The following FNBP1 variants were observed in gnomAD, a reference collection of about 807,000 sequenced individuals.
The protein encoded by FNBP1 is formin binding protein 1.
A neutral mutation model predicts 90.6 loss-of-function variants in FNBP1; 26 were observed. The observed-to-expected ratio is 0.29, with a 90% CI of 0.21 to 0.40. The LOEUF (loss-of-function observed/expected upper bound fraction) is 0.40. FNBP1 is among the 10% of genes least tolerant of loss of function. The pLI is 1.00. For missense variants in FNBP1, 635 were observed against 768.0 expected, an observed-to-expected ratio of 0.83 and a Z score of 2.05; for synonymous variants, 260 against 265.2, an observed-to-expected ratio of 0.98 and a Z score of 0.19.
intron 11 of FNBP1, among the ~76,000 whole-genome samples, chr9:129,915,643 C>T (rs542334924): frequency 5.3e-5 from 8 of 152,270 alleles, no homozygotes; most frequent in East Asian, 3.9e-4. Context: ...GGATTACAGG[C>T]GTGAGCCACT....
At chr9:129,985,969 A>G (rs2052139922) in intron 2 of FNBP1, among the ~76,000 whole-genome samples, 1 of 148,416 alleles carries the variant, frequency 6.7e-6, no homozygotes, top group Non-Finnish European at 1.5e-5. Context: ...CTCAAAAAAA[A>G]AAAAAAAAAA....
intron 6 of FNBP1, among the ~76,000 whole-genome samples, chr9:129,949,779 T>C (rs2045889744): frequency 6.7e-6 from 1 of 149,948 alleles, no homozygotes; most frequent in Admixed American, 6.6e-5. Flanking sequence ...TTTCAAAATG[T>C]GGTTTCAATC....
At position 129,895,973 on chromosome 9, in the gene FNBP1, C is replaced by T. The variant is rs747213580; in HGVS notation, c.1711G>A (p.Val571Ile). ...FEGQNEGTISVVEGETLYVIE... is the reference protein window; with the variant it reads ...FEGQNEGTISIVEGETLYVIE... ...ACATACAATGTTTCTCCTTCAACTACGGAAATCGTTCCTTCATTCTGACCT... is the reference window on the plus strand; with the variant it reads ...ACATACAATGTTTCTCCTTCAACTATGGAAATCGTTCCTTCATTCTGACCT... The change falls in exon 16 of 17, where the codon GTA becomes ATA. Residue 571 changes from valine (V) to isoleucine (I), a missense_variant. Coordinates refer to ENST00000446176, the MANE Select transcript of FNBP1 (RefSeq NM_015033.3). 1.4e-5 allele frequency: 23 copies of T among 1,609,356 alleles called. No individual in the cohort carries two copies. The highest frequency in any genetic ancestry group is 1.1e-4 in the East Asian group (5 of 44,822).
At chr9:130,019,798 C>G (rs190578103) in intron 1 of FNBP1, among the ~76,000 whole-genome samples, 1 of 152,034 alleles carries the variant, frequency 6.6e-6, no homozygotes, top group Non-Finnish European at 1.5e-5. Context: ...CGCTTCATCA[C>G]CCAGGTTGGA....
At chr9:130,030,264 A>G (rs13301171) in intron 1 of FNBP1, among the ~76,000 whole-genome samples, 10,700 of 151,930 alleles carry the variant, frequency 0.07, 501 homozygotes, top group East Asian at 0.15. Flanking sequence ...GTGAAACCCC[A>G]CCTCTACTAA....
rs1000044463 is a variant in FNBP1 at position 129,887,886 on chromosome 9, T to C, written c.*2653A>G. 7 of 231,506 alleles carry C rather than the reference T, an allele frequency of 3.0e-5. No homozygotes were observed. The highest frequency in any genetic ancestry group is 4.4e-5 in the African/African-American group (2 of 45,242). 14.3% of individuals were successfully genotyped at this position (231,506 alleles called of 1,614,324 possible). ...ACGGGAAATTCCACATTCTACTCTA[T>C]GTGAACTGCTCCAGAAAAATACAGA... On this transcript the variant is annotated 3_prime_UTR_variant, in exon 17 of 17. Transcript: ENST00000446176.
intron 16 of FNBP1, among the ~76,000 whole-genome samples, chr9:129,891,779 T>C (rs538678349): frequency 6.6e-6 from 1 of 152,236 alleles, no homozygotes; most frequent in African/African-American, 2.4e-5. Context: ...TAAAAAAGCA[T>C]TGGGCTAGAA....
At chr9:129,926,853 T>A (rs926422071) in intron 8 of FNBP1, among the ~76,000 whole-genome samples, 1 of 147,648 alleles carries the variant, frequency 6.8e-6, no homozygotes, top group Admixed American at 6.9e-5. Flanking sequence ...GCCACTGCAC[T>A]GCAGCCTGGG....
chr9:130,048,904 C>T, the FNBP1 span, among the ~76,000 whole-genome samples: 1 of 151,664 alleles, frequency 6.6e-6, no homozygotes, highest in Admixed American at 6.6e-5. Flanking sequence ...CCTCAGCCTC[C>T]CGAGTAGCTG....
At chr9:130,036,569 C>G (rs1393968253) in intron 1 of FNBP1, among the ~76,000 whole-genome samples, 1 of 152,130 alleles carries the variant, frequency 6.6e-6, no homozygotes, top group African/African-American at 2.4e-5. Context: ...CTTTTAATAT[C>G]CACTAAACAG....
chr9:130,023,735 C>T (rs1188282051), intron 1 of FNBP1, among the ~76,000 whole-genome samples: 1 of 152,014 alleles, frequency 6.6e-6, no homozygotes, highest in Non-Finnish European at 1.5e-5. Context: ...CTCGGTGATG[C>T]CTACAGGATC....
At chr9:129,954,931 T>C (rs1052025203) in intron 6 of FNBP1, among the ~76,000 whole-genome samples, 2 of 151,970 alleles carry the variant, frequency 1.3e-5, no homozygotes, top group African/African-American at 4.8e-5. Context: ...GAGGTGGAGA[T>C]TGCAATGAAC....
rs759776571 is a variant in FNBP1 at position 129,957,455 on chromosome 9, G to A, written c.418C>T (p.Arg140Ter). The A allele has an allele frequency of 1.2e-6, 2 of 1,611,822 alleles. No individual in the cohort carries two copies. Among genetic ancestry groups the A allele is most frequent in the South Asian group, 1.1e-5 (1 of 90,994 alleles). The change falls in exon 6 of 17, where the codon CGA (arginine) becomes TGA (stop). Residue 140 changes from arginine to a stop codon, truncating the protein, a stop_gained. Transcript: ENST00000446176. LOFTEE classifies it high-confidence loss of function. The surrounding 1 kb of genome is among the most constrained non-coding windows in gnomAD (Gnocchi z 4.3). ...GCCTCTTTGCAATCGCGTTCAAATCGCCTTTTACTCTAAAATCAGAGGAAA... is the reference window on the plus strand; with the variant it reads ...GCCTCTTTGCAATCGCGTTCAAATCACCTTTTACTCTAAAATCAGAGGAAA... ...CWKQLESSKRRFERDCKEADR... is the reference protein window; with the variant it reads ...CWKQLESSKR
intron 8 of FNBP1, 39 bp from the exon 9 acceptor site, chr9:129,925,196 G>C (rs775930738): frequency 6.6e-7 from 1 of 1,518,008 alleles, no homozygotes; most frequent in East Asian, 2.3e-5. Context: ...ACATTCAGAA[G>C]CATGCAAACA....
intron 1 of FNBP1, among the ~76,000 whole-genome samples, chr9:130,011,766 A>G (rs2056634624): frequency 6.6e-6 from 1 of 152,230 alleles, no homozygotes; most frequent in South Asian, 2.1e-4. Flanking sequence ...AACATTAAAG[A>G]AAAACAGAAT....
intron 10 of FNBP1, among the ~76,000 whole-genome samples, chr9:129,921,926 C>A (rs192386217): frequency 3.0e-4 from 45 of 152,258 alleles, no homozygotes; most frequent in African/African-American, 9.6e-4. Flanking sequence ...TGGGGCACTA[C>A]CAGGTACTAT....
intron 4 of FNBP1, among the ~76,000 whole-genome samples, chr9:129,972,589 T>C (rs1202296930): frequency 6.6e-6 from 1 of 151,008 alleles, no homozygotes; most frequent in Non-Finnish European, 1.5e-5. Context: ...TAAAGTGCAA[T>C]GGCATGATCT....
chr9:129,929,757 T>A, intron 6 of FNBP1, 62 bp from the exon 7 acceptor site: 1 of 1,546,892 alleles, frequency 6.5e-7, no homozygotes, highest in Non-Finnish European at 8.9e-7. Flanking sequence ...CTGGGTGCAA[T>A]CAATAAAAGC....
chr9:129,963,927 A>T (rs2048206552), intron 4 of FNBP1, among the ~76,000 whole-genome samples: 1 of 151,992 alleles, frequency 6.6e-6, no homozygotes, highest in Non-Finnish European at 1.5e-5. Flanking sequence ...AGCCTTTTTC[A>T]CAGTACCTGT....
Sources: allele counts gnomAD v4.1 joint callset (sites outside exome capture counted in the v4.1 genomes callset), GRCh38; gene constraint gnomAD v4.1.1; non-coding constraint Gnocchi (gnomAD v3.1); transcripts MANE v1.5; gene names NCBI Gene and HGNC (gene_info 2026-07-23, HGNC 2026-07-21).